Variants in MYEF2 observed in about 807,000 individuals in gnomAD.
The protein encoded by MYEF2 is myelin gene expression factor 2.
A neutral mutation model predicts 75.2 loss-of-function variants in MYEF2; 37 were observed. The ratio of observed to expected loss-of-function variants is 0.49; its 90% CI spans 0.38 to 0.65. The LOEUF is 0.65. MYEF2 is among the 30% of genes least tolerant of loss of function. MYEF2 has a pLI of 0.00. For synonymous variants in MYEF2, 195 were observed against 241.6 expected (o/e 0.81, Z 1.79); for missense variants, 634 against 771.4 (o/e 0.82, Z 2.11).
chr15:48,141,205 G>T lies in MYEF2; in HGVS notation c.*1703C>A, dbSNP rs367783392. The stretch of plus-strand genomic sequence containing the variant: ...AGACACAATTGCAAGTGTGTTGGTT[G>T]CAAGAAAAGGTAAGAACTAGGTCCC... On this transcript the variant is annotated 3_prime_UTR_variant, in exon 17 of 17. Coordinates refer to ENST00000324324, the MANE Select transcript of MYEF2 (RefSeq NM_016132.5). 13 of 1,612,510 alleles carry T rather than the reference G, an allele frequency of 8.1e-6. No individual in the cohort carries two copies. The highest frequency in any genetic ancestry group is 1.7e-5 in the Admixed American group (1 of 59,992).
chr15:48,168,873 C>T (rs1327054095), intron 1 of MYEF2, 34 bp from the exon 2 acceptor site: 1 of 1,500,498 alleles, frequency 6.7e-7, no homozygotes, highest in Admixed American at 1.8e-5. Context: ...AAACAAAAAC[C>T]CTCAGTTGTG....
chr15:48,152,379 AT>A, intron 10 of MYEF2, 95 bp from the exon 11 acceptor site: 1 of 1,031,756 alleles, frequency 9.7e-7, no homozygotes, highest in Non-Finnish European at 1.5e-6. Context: ...TACCACTGGT[AT>A]AACCACAATG....
At chr15:48,171,967 C>T (rs893257584) in intron 1 of MYEF2, among the ~76,000 whole-genome samples, 1 of 152,092 alleles carries the variant, frequency 6.6e-6, no homozygotes, top group African/African-American at 2.4e-5. Flanking sequence ...AAATCAAGCT[C>T]CAACATCAAA....
chr15:48,166,027 C>T lies in MYEF2; in HGVS notation c.432-1G>A, dbSNP rs1246774695. ...TTCTTCATCTTTGAATTCAACCACA[C>T]TTAATAGGGAAAAAATTTATAGGAA... On this transcript the variant is annotated splice_acceptor_variant, in intron 4 of 16. Coordinates refer to ENST00000324324, the MANE Select transcript of MYEF2 (RefSeq NM_016132.5). LOFTEE classifies it high-confidence loss of function. The T allele has an allele frequency of 6.3e-7, 1 of 1,584,900 alleles. No homozygotes were observed. Among genetic ancestry groups the T allele is most frequent in the Admixed American group, 1.8e-5 (1 of 55,442 alleles).
In MYEF2 at chr15:48,160,173, G is replaced by T. The variant is rs114321279; in HGVS notation, c.526-369C>A. On this transcript the variant is annotated intron_variant, in intron 5 of 16. Transcript: ENST00000324324. ...TAGGAATGGTCATTTCTCACTATTG[G>T]ATGCCCAATGGAATGCCAAATTCAG... Among the ~76,000 whole-genome samples the T allele has an allele frequency of 3.3e-3, 500 of 152,118 alleles. 3 individuals are homozygous for T. Among genetic ancestry groups the T allele is most frequent in the African/African-American group, 0.012 (489 of 41,508 alleles).
chr15:48,136,570 AT>A lies in MYEF2; in HGVS notation c.*6337del. 2.1e-6 allele frequency: 2 copies of A among 966,576 alleles called. No homozygotes were observed. The highest frequency in any genetic ancestry group is 3.0e-6 in the Non-Finnish European group (2 of 664,892). 59.9% of individuals were successfully genotyped at this position (966,576 alleles called of 1,614,324 possible). Reference sequence around the variant, plus strand: ...AACAAAAAATATCTAGAAATGTTTGATTGTTCTATGGCTACTTTTGTTAGAA... The same window carrying A: ...AACAAAAAATATCTAGAAATGTTTGATGTTCTATGGCTACTTTTGTTAGAA... On this transcript the variant is annotated 3_prime_UTR_variant, in exon 17 of 17. Coordinates refer to ENST00000324324, the MANE Select transcript of MYEF2 (RefSeq NM_016132.5).
chr15:48,170,109 G>A (rs1396584098), intron 1 of MYEF2, among the ~76,000 whole-genome samples: 1 of 151,732 alleles, frequency 6.6e-6, no homozygotes, highest in East Asian at 2.0e-4. Flanking sequence ...TTTTTGTGGG[G>A]GTTTTTGTTG....
chr15:48,158,116 AAG>A, intron 8 of MYEF2, 57 bp downstream of exon 8: 1 of 1,611,358 alleles, frequency 6.2e-7, no homozygotes, highest in East Asian at 2.2e-5. Flanking sequence ...TGTAATGTAG[AAG>A]AGAGCCAATA....
intron 9 of MYEF2, 56 bp from the exon 10 acceptor site, chr15:48,153,949 G>T: frequency 6.8e-7 from 1 of 1,468,588 alleles, no homozygotes; most frequent in Non-Finnish European, 9.3e-7. Context: ...TAACTAATTG[G>T]CAATAAAATT....
chr15:48,152,737 T>A (rs570281605), intron 10 of MYEF2: 3 of 157,074 alleles, frequency 1.9e-5, no homozygotes, highest in Admixed American at 1.3e-4. Flanking sequence ...ATAAATAGTA[T>A]GTATTTAGGA....
rs1292941286 is a variant in MYEF2 at position 48,135,980 on chromosome 15, CAGACAG to C, written c.*6922_*6927del. The C allele has an allele frequency of 7.9e-5, 12 of 152,218 alleles. No homozygotes were observed. In the East Asian group the frequency reaches 2.1e-3, roughly 27 times the overall value. 9.4% of individuals were successfully genotyped at this position (152,218 alleles called of 1,614,324 possible). A position where few individuals can be genotyped will look rare whatever the true frequency, so the allele number is the denominator to read the frequency against. On this transcript the variant is annotated 3_prime_UTR_variant, in exon 17 of 17. Coordinates refer to ENST00000324324, the MANE Select transcript of MYEF2 (RefSeq NM_016132.5). Reference sequence around the variant, plus strand: ...ATCAGAACTGTTCTTTAAGATACAGCAGACAGAGATTCACTGGCTATAAAAGGTAAA... The same window carrying C: ...ATCAGAACTGTTCTTTAAGATACAGCAGATTCACTGGCTATAAAAGGTAAA...
Position 48,136,875 on chromosome 15 carries a change from A to G in MYEF2, c.*6033T>C, listed in dbSNP as rs1385981861. 6.2e-7 allele frequency: 1 copy of G among 1,613,816 alleles called. No individual in the cohort carries two copies. Among genetic ancestry groups the G allele is most frequent in the Non-Finnish European group, 8.5e-7 (1 of 1,179,850 alleles). On this transcript the variant is annotated 3_prime_UTR_variant, in exon 17 of 17. Coordinates refer to ENST00000324324, the MANE Select transcript of MYEF2 (RefSeq NM_016132.5). ...AAGGTCAACCATTCATTCGTCGGCA[A>G]TCAAGAACTGATAGTGGAATATTTT...
intron 12 of MYEF2, 39 bp downstream of exon 12, chr15:48,151,835 T>A (rs765493037): frequency 1.3e-6 from 2 of 1,596,056 alleles, no homozygotes; most frequent in South Asian, 2.2e-5. Context: ...TAGGGAAAAC[T>A]AAATATGCAC....
At chr15:48,160,486 T>TACATACATACATACACACACAC (rs200591805) in intron 5 of MYEF2, among the ~76,000 whole-genome samples, 1 of 139,218 alleles carries the variant, frequency 7.2e-6, no homozygotes, top group African/African-American at 2.6e-5. Flanking sequence ...AAACCAAACA[T>TACATACATACATACACACACAC]ACACACACAC....
chr15:48,148,781 A>C (rs1259956760), intron 16 of MYEF2, among the ~76,000 whole-genome samples: 1 of 152,058 alleles, frequency 6.6e-6, no homozygotes, highest in Non-Finnish European at 1.5e-5. Context: ...TTAACAGAAA[A>C]CAATGATAGG....
At chr15:48,166,089 G>T in intron 4 of MYEF2, 32 bp downstream of exon 4, 3 of 1,580,366 alleles carry the variant, frequency 1.9e-6, no homozygotes, top group South Asian at 2.3e-5. Flanking sequence ...AGTTTAATTT[G>T]ACTTAAGATA....
chr15:48,166,351 A>T (rs1338367097), intron 3 of MYEF2, among the ~76,000 whole-genome samples: 1 of 151,946 alleles, frequency 6.6e-6, no homozygotes, highest in Non-Finnish European at 1.5e-5. Context: ...ACATGTAACA[A>T]GCTTGGAGCA....
intron 7 of MYEF2, 107 bp from the exon 8 acceptor site, chr15:48,158,331 A>G (rs2039785883): frequency 8.1e-6 from 8 of 989,394 alleles, no homozygotes; most frequent in Non-Finnish European, 1.2e-5. Flanking sequence ...ATTTTAATTA[A>G]CATCTTTAAT....
chr15:48,174,106 T>C (rs1312555997), intron 1 of MYEF2, among the ~76,000 whole-genome samples: 1 of 152,054 alleles, frequency 6.6e-6, no homozygotes, highest in East Asian at 1.9e-4. Flanking sequence ...AAATCTATAG[T>C]AATCAAAACA....
Sources: gnomAD v4.1 joint callset for allele counts (sites outside exome capture counted in the v4.1 genomes callset) on GRCh38, gnomAD v4.1.1 for gene constraint, MANE v1.5 for transcripts, NCBI Gene and HGNC (gene_info 2026-07-23, HGNC 2026-07-21) for gene names.